ANO4: variants seen among roughly 807,000 people sequenced by gnomAD.
ANO4 encodes the protein anoctamin-4.
ANO4 carries 69 observed loss-of-function variants against 141.9 expected under a neutral mutation model. That is an observed-to-expected ratio of 0.49 (90% CI 0.40 to 0.59). ANO4 has a LOEUF of 0.59. Among genes scored for constraint, ANO4 ranks in the 20% least tolerant of loss-of-function variants. ANO4 has a pLI of 0.00. For synonymous variants in ANO4, 350 were observed against 394.3 expected (o/e 0.89, Z 1.33); for missense variants, 894 against 1,162.2 (o/e 0.77, Z 3.36).
chr12:100,980,221 C>T (rs2044398414), intron 7 of ANO4, among the ~76,000 whole-genome samples: 2 of 152,204 alleles, frequency 1.3e-5, no homozygotes, highest in Non-Finnish European at 2.9e-5. Context: ...GTAGTTGATT[C>T]AGAATGGCCT....
intron 5 of ANO4, among the ~76,000 whole-genome samples, chr12:100,952,184 T>C (rs2042996688): frequency 6.6e-6 from 1 of 152,172 alleles, no homozygotes; most frequent in Non-Finnish European, 1.5e-5. Flanking sequence ...AGGGGAAGAA[T>C]AGAGTATGTG....
intron 1 of ANO4, among the ~76,000 whole-genome samples, chr12:100,810,613 G>A (rs1376261995): frequency 1.3e-5 from 2 of 152,134 alleles, no homozygotes; most frequent in African/African-American, 2.4e-5. Context: ...TCTGGAGGTG[G>A]TGAGAGGTGG....
chr12:100,810,152 G>C (rs1157435999), intron 1 of ANO4, among the ~76,000 whole-genome samples: 1 of 150,828 alleles, frequency 6.6e-6, no homozygotes, highest in African/African-American at 2.4e-5. Context: ...ACATGGTTAG[G>C]AGTATGCTGA....
intron 1 of ANO4, among the ~76,000 whole-genome samples, chr12:100,901,433 A>C (rs1456524036): frequency 6.6e-6 from 1 of 152,174 alleles, no homozygotes; most frequent in Non-Finnish European, 1.5e-5. Flanking sequence ...TTTTGGAAGG[A>C]ATTTTTATAA....
At chr12:100,929,494 C>T (rs1180986379) in intron 3 of ANO4, among the ~76,000 whole-genome samples, 2 of 152,096 alleles carry the variant, frequency 1.3e-5, no homozygotes. Context: ...TATGTACCAC[C>T]ATTTTCTTTA....
intron 8 of ANO4, among the ~76,000 whole-genome samples, chr12:101,011,320 T>TTC (rs1192387648): frequency 2.7e-5 from 4 of 149,392 alleles, no homozygotes; most frequent in African/African-American, 9.7e-5. Flanking sequence ...CCTTTTTTCT[T>TTC]TTTTTTTTTT....
At chr12:100,989,975 AGATGGATG>A (rs58082088) in intron 8 of ANO4, among the ~76,000 whole-genome samples, 2,477 of 131,812 alleles carry the variant, frequency 0.019, 61 homozygotes, top group African/African-American at 0.061. Flanking sequence ...ATAGGTCACC[AGATGGATG>A]GATGGATGGA....
intron 15 of ANO4, among the ~76,000 whole-genome samples, chr12:101,080,886 T>A (rs1913728): frequency 0.2 from 26,135 of 131,324 alleles, 3,627 homozygotes; most frequent in East Asian, 0.56. Context: ...ATATATATTA[T>A]ATATATATAT....
intron 1 of ANO4, among the ~76,000 whole-genome samples, chr12:100,839,691 AT>A (rs961725359): frequency 1.7e-4 from 25 of 150,302 alleles, no homozygotes; most frequent in South Asian, 8.4e-4. Context: ...CATTTTAAAG[AT>A]TTTTTTTTTC....
At chr12:100,882,303 A>G (rs1439898336) in intron 1 of ANO4, among the ~76,000 whole-genome samples, 2 of 152,164 alleles carry the variant, frequency 1.3e-5, no homozygotes, top group East Asian at 3.9e-4. Context: ...CAGAGCCTAC[A>G]CTCTGAACCA....
At chr12:101,015,869 TGAGAGA>T (rs368966067) in intron 8 of ANO4, among the ~76,000 whole-genome samples, 1 of 151,174 alleles carries the variant, frequency 6.6e-6, no homozygotes, top group South Asian at 2.1e-4. Context: ...TGTGTGTGTA[TGAGAGA>T]GAGAGAGAGA....
intron 1 of ANO4, among the ~76,000 whole-genome samples, chr12:100,721,474 A>G (rs1407068797): frequency 6.6e-6 from 1 of 152,184 alleles, no homozygotes; most frequent in Non-Finnish European, 1.5e-5. Flanking sequence ...GAGCAACAGC[A>G]ACATGAATGA....
chr12:100,737,197 G>T (rs1030318801), intron 2 of ANO4, among the ~76,000 whole-genome samples: 14 of 152,136 alleles, frequency 9.2e-5, no homozygotes, highest in Non-Finnish European at 4.4e-5. Flanking sequence ...CTTTAGGATG[G>T]GTTGATTAGG....
At chr12:100,792,976 A>G (rs1221418733), upstream of ANO4, among the ~76,000 whole-genome samples, 2 of 152,258 alleles carry the variant, frequency 1.3e-5, no homozygotes, top group Non-Finnish European at 2.9e-5. Flanking sequence ...GGTTATGACA[A>G]ACATCTAACT....
Position 100,884,063 on chromosome 12 carries a change from T to C in ANO4, c.-140-17583T>C, listed in dbSNP as rs1514792. On this transcript the variant is annotated intron_variant, in intron 1 of 27. Coordinates refer to ENST00000392977, the MANE Select transcript of ANO4 (RefSeq NM_001286615.2). Reference sequence around the variant, plus strand: ...AAATCACATAAATAACATATATGGGTTCTATGAATTAATCATTGTAGATTT... The same window carrying C: ...AAATCACATAAATAACATATATGGGCTCTATGAATTAATCATTGTAGATTT... Among the ~76,000 whole-genome samples, 1,247 of 152,300 alleles carry C rather than the reference T, an allele frequency of 8.2e-3. 26 individuals are homozygous for C. The highest frequency in any genetic ancestry group is 0.033 in the East Asian group (170 of 5,186).
At chr12:100,884,545 T>C (rs1195574698) in intron 1 of ANO4, among the ~76,000 whole-genome samples, 1 of 152,172 alleles carries the variant, frequency 6.6e-6, no homozygotes, top group Non-Finnish European at 1.5e-5. Context: ...TGTAACAAAT[T>C]ACCACACACT....
intron 14 of ANO4, among the ~76,000 whole-genome samples, chr12:101,049,525 T>C (rs1593124596): frequency 6.6e-6 from 1 of 151,688 alleles, no homozygotes; most frequent in African/African-American, 2.4e-5. Flanking sequence ...AGTAAGTTTC[T>C]GTTGGATGGA....
intron 5 of ANO4, among the ~76,000 whole-genome samples, chr12:100,960,121 A>G (rs953936624): frequency 6.6e-6 from 1 of 152,116 alleles, no homozygotes; most frequent in African/African-American, 2.4e-5. Flanking sequence ...GCTCCTGCCT[A>G]CCCAAGTGGG....
At chr12:100,799,853 G>A (rs1048574318) in intron 1 of ANO4, among the ~76,000 whole-genome samples, 6 of 152,110 alleles carry the variant, frequency 3.9e-5, no homozygotes, top group African/African-American at 2.4e-5. Flanking sequence ...CACCTGGGCC[G>A]GATGACTTTA....
Sources: allele counts gnomAD v4.1 joint callset (sites outside exome capture counted in the v4.1 genomes callset), GRCh38; gene constraint gnomAD v4.1.1; transcripts MANE v1.5; gene names NCBI Gene and HGNC (gene_info 2026-07-23, HGNC 2026-07-21).